UNC80: variants seen among roughly 807,000 people sequenced by gnomAD.
UNC80 encodes unc-80 subunit of NALCN channel complex.
A neutral mutation model predicts 384.6 loss-of-function variants in UNC80; 164 were observed. That is an observed-to-expected ratio of 0.43 (90% CI 0.38 to 0.49). The LOEUF is 0.49. Among genes scored for constraint, UNC80 ranks in the 20% least tolerant of loss-of-function variants. UNC80 has a pLI of 0.00. For synonymous variants in UNC80, 1,486 were observed against 1,527.8 expected (o/e 0.97, Z 0.64); for missense variants, 3,330 against 4,143.0 (o/e 0.80, Z 5.39).
rs151224743 is a variant in UNC80 at position 209,939,633 on chromosome 2, A to C, written c.6627A>C (p.Ser2209=). 3.2e-4 allele frequency: 491 copies of C among 1,548,846 alleles called. 2 individuals carry two copies. The highest frequency in any genetic ancestry group is 8.2e-5 in the Non-Finnish European group (94 of 1,145,776). Residue 2209 remains serine, a synonymous_variant, in exon 43 of 65, where the codon TCA becomes TCC. Transcript: ENST00000673920. ...FPRSAIDAEF[S]LFSDPQAGKE... is the part of the protein sequence containing the mutation. Reference sequence around the variant, plus strand: ...GTAGTGCTATTGATGCTGAGTTTTCACTCTTCAGTGATCCTCAAGGTATCA... The same window carrying C: ...GTAGTGCTATTGATGCTGAGTTTTCCCTCTTCAGTGATCCTCAAGGTATCA...
At position 209,936,499 on chromosome 2, in the gene UNC80, C is replaced by A. The variant is rs1351536971; in HGVS notation, c.6274-345C>A. 1.3e-5 allele frequency among the ~76,000 whole-genome samples: 2 copies of A among 152,192 alleles called. 1 individual carries two copies. The highest frequency in any genetic ancestry group is 4.8e-5 in the African/African-American group (2 of 41,456). ...CACTGTTCCTCCACAGTCCATCACT[C>A]AGTCTGAATTATAATTGTACATCTT... On this transcript the variant is annotated intron_variant, in intron 40 of 64. Transcript: ENST00000673920.
intron 20 of UNC80, 111 bp downstream of exon 20, chr2:209,840,759 ACT>A: frequency 1.2e-6 from 1 of 849,314 alleles, no homozygotes; most frequent in African/African-American, 1.7e-5. Flanking sequence ...AGCTGAAGAA[ACT>A]CTCCAGATGA....
intron 28 of UNC80, among the ~76,000 whole-genome samples, chr2:209,900,404 A>G (rs1254836649): frequency 2.0e-5 from 3 of 152,000 alleles, no homozygotes; most frequent in Non-Finnish European, 4.4e-5. Flanking sequence ...GTGATCCTTG[A>G]TGATATTATT....
chr2:209,970,922 A>G lies in UNC80; in HGVS notation c.8221A>G (p.Thr2741Ala), dbSNP rs1273412849. Reference sequence around the variant, plus strand: ...TCTCTCACCACCTCTGCCCTTCAGCACAGCTGTTGTCCGGCTTGTAGCATT... The same window carrying G: ...TCTCTCACCACCTCTGCCCTTCAGCGCAGCTGTTGTCCGGCTTGTAGCATT... ...PYLSPPLPFS[T>A]AVVRLVALQI... The change falls in exon 54 of 65, where the codon ACA becomes GCA. Residue 2741 changes from threonine to alanine, a missense_variant. Physicochemically the swap from Thr to Ala is moderately conservative, Grantham distance 58. Coordinates refer to ENST00000673920, the MANE Select transcript of UNC80 (RefSeq NM_001371986.1). 6.4e-7 allele frequency: 1 copy of G among 1,551,814 alleles called. No homozygotes were observed.
intron 41 of UNC80, 67 bp downstream of exon 41, chr2:209,937,000 G>GCCACC: frequency 8.8e-7 from 1 of 1,131,518 alleles, no homozygotes; most frequent in Non-Finnish European, 1.3e-6. Context: ...CCTGAGGGTG[G>GCCACC]CTCACAGTCA....
At chr2:209,963,464 GT>G (rs2092656400) in intron 51 of UNC80, among the ~76,000 whole-genome samples, 1 of 152,198 alleles carries the variant, frequency 6.6e-6, no homozygotes, top group South Asian at 2.1e-4. Flanking sequence ...AGAAATTCAG[GT>G]AGTAATCCAT....
intron 64 of UNC80, among the ~76,000 whole-genome samples, chr2:209,995,040 A>G (rs1350474880): frequency 6.6e-6 from 1 of 152,198 alleles, no homozygotes. Flanking sequence ...ATACATTTGT[A>G]TAGTCTTTAA....
chr2:209,923,998 A>T (rs1217861825), intron 35 of UNC80, among the ~76,000 whole-genome samples: 2 of 152,014 alleles, frequency 1.3e-5, no homozygotes, highest in Non-Finnish European at 1.5e-5. Context: ...TCTTTATCTT[A>T]TAATAACTTT....
Position 209,995,749 on chromosome 2 carries a change from A to G in UNC80, c.*154A>G. The stretch of plus-strand genomic sequence containing the variant: ...TCTGAATAGGTTTTGCTGCCAATAC[A>G]CATGATGTTTCATAAACATCTTAAA... On this transcript the variant is annotated 3_prime_UTR_variant, in exon 65 of 65. Coordinates refer to ENST00000673920, the MANE Select transcript of UNC80 (RefSeq NM_001371986.1). 1.2e-6 allele frequency: 1 copy of G among 844,034 alleles called. No individual in the cohort carries two copies. Among genetic ancestry groups the G allele is most frequent in the Non-Finnish European group, 1.8e-6 (1 of 559,044 alleles). The allele number at this position is 844,034 out of a possible 1,614,324, so 52.3% of individuals were successfully genotyped here. A position where few individuals can be genotyped will look rare whatever the true frequency, so the allele number is the denominator to read the frequency against.
At chr2:209,776,620 A>G (rs912642055) in intron 3 of UNC80, among the ~76,000 whole-genome samples, 2 of 152,194 alleles carry the variant, frequency 1.3e-5, no homozygotes, top group Non-Finnish European at 2.9e-5. Flanking sequence ...AAATTAAAAT[A>G]TTAGAGGCAA....
chr2:209,799,038 AAATTT>A (rs1037009383), intron 7 of UNC80, among the ~76,000 whole-genome samples: 2 of 149,310 alleles, frequency 1.3e-5, no homozygotes, highest in Admixed American at 6.8e-5. Context: ...AATAAATTTT[AAATTT>A]AATTTATTTT....
chr2:209,931,351 A>G (rs763770892), intron 38 of UNC80, among the ~76,000 whole-genome samples: 1 of 122,088 alleles, frequency 8.2e-6, no homozygotes, highest in Non-Finnish European at 1.8e-5. Context: ...CTCTTTTCCT[A>G]TCTCTATGTT....
At chr2:209,835,079 C>G (rs1343607942) in intron 18 of UNC80, 69 bp downstream of exon 18, 2 of 1,246,200 alleles carry the variant, frequency 1.6e-6, no homozygotes, top group African/African-American at 1.5e-5. Flanking sequence ...TTTCTATTTT[C>G]CAAACTGCTA....
chr2:209,944,355 T>C (rs1271099884), intron 45 of UNC80, among the ~76,000 whole-genome samples: 1 of 152,228 alleles, frequency 6.6e-6, no homozygotes, highest in Non-Finnish European at 1.5e-5. Context: ...ACATGTTATA[T>C]CTATTTGTTT....
chr2:209,848,773 C>A (rs150314140), intron 21 of UNC80, among the ~76,000 whole-genome samples: 3 of 152,158 alleles, frequency 2.0e-5, no homozygotes, highest in Non-Finnish European at 4.4e-5. Flanking sequence ...GGATGTGTCC[C>A]CTGATAGAGT....
In UNC80 at chr2:209,907,764, T is replaced by C. The variant is rs190777256; in HGVS notation, c.4782+2799T>C. Among the ~76,000 whole-genome samples the C allele has an allele frequency of 7.8e-3, 1,185 of 152,336 alleles. 5 individuals carry two copies. The highest frequency in any genetic ancestry group is 0.017 in the Middle Eastern group (5 of 294). On this transcript the variant is annotated intron_variant, in intron 29 of 64. Transcript: ENST00000673920. Reference sequence around the variant, plus strand: ...AGTCTTTCACATTTTGTATCCTGCATGATAACCTAACAGAGTACTCACTTA... The same window carrying C: ...AGTCTTTCACATTTTGTATCCTGCACGATAACCTAACAGAGTACTCACTTA...
intron 5 of UNC80, among the ~76,000 whole-genome samples, chr2:209,787,621 C>T (rs1320285199): frequency 2.0e-5 from 3 of 152,094 alleles, no homozygotes; most frequent in African/African-American, 7.2e-5. Flanking sequence ...GGTCTCGTAG[C>T]CATGGTAACA....
chr2:209,924,173 T>A (rs1048523488), intron 35 of UNC80, among the ~76,000 whole-genome samples: 1 of 152,214 alleles, frequency 6.6e-6, no homozygotes, highest in Non-Finnish European at 1.5e-5. Flanking sequence ...GGGTTTCTTA[T>A]ATGTCTCATA....
intron 47 of UNC80, among the ~76,000 whole-genome samples, chr2:209,949,511 C>T (rs2092060048): frequency 6.7e-6 from 1 of 149,962 alleles, no homozygotes; most frequent in African/African-American, 2.4e-5. Context: ...GAGTCTTGCT[C>T]TTGTTGCCCA....
Sources: gnomAD v4.1 joint callset for allele counts (sites outside exome capture counted in the v4.1 genomes callset) on GRCh38, gnomAD v4.1.1 for gene constraint, MANE v1.5 for transcripts, NCBI Gene and HGNC (gene_info 2026-07-23, HGNC 2026-07-21) for gene names.